The following THSD7A variants were observed in gnomAD, a reference collection of about 807,000 sequenced individuals.
THSD7A encodes thrombospondin type-1 domain-containing protein 7A.
In THSD7A, 96 loss-of-function variants were observed where a neutral mutation model predicts 231.3. That is an observed-to-expected ratio of 0.41 (90% CI 0.35 to 0.49). THSD7A has a LOEUF of 0.49. THSD7A is among the 20% of genes least tolerant of loss of function. THSD7A has a pLI of 0.05. For synonymous variants in THSD7A, 940 were observed against 743.3 expected (o/e 1.26, Z -4.30); for missense variants, 2,290 against 2,070.2 (o/e 1.11, Z -2.06).
At chr7:11,685,409 A>C (rs576028202) in intron 1 of THSD7A, among the ~76,000 whole-genome samples, 34 of 152,138 alleles carry the variant, frequency 2.2e-4, no homozygotes, top group African/African-American at 8.2e-4. Context: ...TTTGCACAGC[A>C]AAAAAACTGT....
chr7:11,628,085 G>T (rs189521605), intron 2 of THSD7A, among the ~76,000 whole-genome samples: 2 of 151,770 alleles, frequency 1.3e-5, no homozygotes, highest in Non-Finnish European at 2.9e-5. Flanking sequence ...ATTTTAAAAT[G>T]TATGCAATAT....
chr7:11,614,946 G>A (rs549466054), intron 2 of THSD7A, among the ~76,000 whole-genome samples: 27 of 152,280 alleles, frequency 1.8e-4, no homozygotes, highest in Non-Finnish European at 3.4e-4. Context: ...TGTTGATGAT[G>A]TTATTGATAT....
At chr7:11,453,813 T>A (rs1785219853) in intron 11 of THSD7A, among the ~76,000 whole-genome samples, 1 of 152,072 alleles carries the variant, frequency 6.6e-6, no homozygotes, top group Admixed American at 6.6e-5. Flanking sequence ...AAGTAGTTAT[T>A]GACATTGCTT....
At chr7:11,683,641 TG>T (rs1247153570) in intron 1 of THSD7A, among the ~76,000 whole-genome samples, 1 of 152,032 alleles carries the variant, frequency 6.6e-6, no homozygotes, top group Non-Finnish European at 1.5e-5. Flanking sequence ...AATAAATTCC[TG>T]GATACAAACA....
At chr7:11,807,284 A>T (rs1426517441) in intron 1 of THSD7A, among the ~76,000 whole-genome samples, 1 of 152,130 alleles carries the variant, frequency 6.6e-6, no homozygotes, top group African/African-American at 2.4e-5. Context: ...TGTGCAAATG[A>T]TCAAGGTGGA....
At chr7:11,802,714 A>G (rs1784309801) in intron 1 of THSD7A, among the ~76,000 whole-genome samples, 1 of 152,156 alleles carries the variant, frequency 6.6e-6, no homozygotes. Context: ...CTGTGTCTAT[A>G]TGTTTTAAAT....
At position 11,831,392 on chromosome 7, in the gene THSD7A, G is replaced by T. The variant is rs565580013; in HGVS notation, c.190+365C>A. Among the ~76,000 whole-genome samples the T allele has an allele frequency of 6.6e-5, 10 of 152,224 alleles. No homozygotes were observed. Among genetic ancestry groups the T allele is most frequent in the Admixed American group, 6.5e-4 (10 of 15,296 alleles). ...CAGTGAGCATATTGCTTTGCCTAAA[G>T]AATAAAGACTGAGACTAAACTCTTT... On this transcript the variant is annotated intron_variant, in intron 1 of 27. Coordinates refer to ENST00000423059, the MANE Select transcript of THSD7A (RefSeq NM_015204.3). The surrounding 1 kb of genome is among the most constrained non-coding windows in gnomAD (Gnocchi z 5.0).
chr7:11,488,076 G>A (rs1306716540), intron 6 of THSD7A, among the ~76,000 whole-genome samples: 4 of 152,158 alleles, frequency 2.6e-5, no homozygotes, highest in Non-Finnish European at 5.9e-5. Context: ...GAAGCAGAGA[G>A]GGACCAGACA....
At chr7:11,533,266 G>A (rs1029395560) in intron 6 of THSD7A, among the ~76,000 whole-genome samples, 4 of 152,016 alleles carry the variant, frequency 2.6e-5, no homozygotes, top group Admixed American at 6.6e-5. Context: ...AAAGTTCCTC[G>A]GCTACAAATA....
At chr7:11,621,882 G>C (rs1004621238) in intron 2 of THSD7A, among the ~76,000 whole-genome samples, 1 of 152,070 alleles carries the variant, frequency 6.6e-6, no homozygotes, top group Non-Finnish European at 1.5e-5. Context: ...TATCAGATTT[G>C]TTGAATGTCA....
chr7:11,722,718 A>G (rs1043675882), intron 1 of THSD7A, among the ~76,000 whole-genome samples: 6 of 152,082 alleles, frequency 3.9e-5, no homozygotes, highest in African/African-American at 1.4e-4. Flanking sequence ...CAAAAGACAC[A>G]TGAAAAAATG....
At chr7:11,686,258 A>G (rs890285665) in intron 1 of THSD7A, among the ~76,000 whole-genome samples, 1 of 151,806 alleles carries the variant, frequency 6.6e-6, no homozygotes, top group African/African-American at 2.4e-5. Flanking sequence ...TTTGGGTGAT[A>G]AGATCAATAG....
chr7:11,748,179 C>G (rs1007444555), intron 1 of THSD7A, among the ~76,000 whole-genome samples: 1 of 151,872 alleles, frequency 6.6e-6, no homozygotes, highest in African/African-American at 2.4e-5. Flanking sequence ...AGTATCACAA[C>G]AGGAATGGAG....
rs548433779 is a variant in THSD7A at position 11,704,753 on chromosome 7, T to A, written c.191-67792A>T. ...CCCCAAAACTGCCCATAGCTTACAG[T>A]CTATTTATGGATTGTGACAAGAAAA... On this transcript the variant is annotated intron_variant, in intron 1 of 27. Coordinates refer to ENST00000423059, the MANE Select transcript of THSD7A (RefSeq NM_015204.3). Among the ~76,000 whole-genome samples, 14 of 151,178 alleles carry A rather than the reference T, an allele frequency of 9.3e-5. No individual in the cohort carries two copies. The East Asian group carries it at 2.0e-3, about 21-fold the overall frequency.
chr7:11,768,439 C>T (rs1158364400), intron 1 of THSD7A, among the ~76,000 whole-genome samples: 1 of 152,166 alleles, frequency 6.6e-6, no homozygotes, highest in African/African-American at 2.4e-5. Flanking sequence ...GTCATTTAGA[C>T]TGTCTAGGAG....
intron 1 of THSD7A, among the ~76,000 whole-genome samples, chr7:11,683,495 G>A (rs10281643): frequency 0.44 from 67,261 of 151,612 alleles, 15,250 homozygotes; most frequent in Admixed American, 0.52. Flanking sequence ...TAACAAAAGA[G>A]AAAAAGAAGA....
At chr7:11,610,713 G>A (rs1780894386) in intron 2 of THSD7A, among the ~76,000 whole-genome samples, 1 of 152,020 alleles carries the variant, frequency 6.6e-6, no homozygotes, top group Non-Finnish European at 1.5e-5. Context: ...AAGAAACTCA[G>A]AAATAGGTCT....
chr7:11,508,518 C>T (rs1787654513), intron 6 of THSD7A, among the ~76,000 whole-genome samples: 1 of 152,112 alleles, frequency 6.6e-6, no homozygotes. Context: ...GGTGTAGCTG[C>T]TCTGAGAAAT....
chr7:11,596,609 G>A (rs1393423802), intron 2 of THSD7A, among the ~76,000 whole-genome samples: 12 of 152,226 alleles, frequency 7.9e-5, no homozygotes, highest in Admixed American at 2.6e-4. Context: ...AAACAATATC[G>A]CATAGCTGGA....
Sources: allele counts gnomAD v4.1 joint callset (sites outside exome capture counted in the v4.1 genomes callset), GRCh38; gene constraint gnomAD v4.1.1; non-coding constraint Gnocchi (gnomAD v3.1); transcripts MANE v1.5; gene names NCBI Gene and HGNC (gene_info 2026-07-23, HGNC 2026-07-21).